NAA20: variants seen among roughly 807,000 people sequenced by gnomAD.
NAA20 encodes the protein N-alpha-acetyltransferase 20, NatB catalytic subunit, also known as N-alpha-acetyltransferase 20.
NAA20 carries 24 observed loss-of-function variants against 23.8 expected under a neutral mutation model. The observed-to-expected ratio is 1.01, with a 90% CI of 0.73 to 1.42. The LOEUF is 1.42. Ranked by LOEUF, NAA20 falls within the 40% of genes most tolerant of loss-of-function variation. NAA20 has a pLI of 0.00. For synonymous variants in NAA20, 83 were observed against 77.7 expected (o/e 1.07, Z -0.36); for missense variants, 166 against 223.1 (o/e 0.74, Z 1.63).
rs369734586 is a variant in NAA20, at chr20:20,026,819, G to T, written c.205G>T (p.Glu69Ter). The change falls in exon 4 of 6, where the codon GAA (glutamate) becomes TAA (stop). Residue 69 changes from glutamate to a stop codon, truncating the protein, a stop_gained. Transcript: ENST00000334982. LOFTEE classifies it high-confidence loss of function. ...AGCAGAAGGCTCAGTAGCTAGGGAA[G>T]AATGGCACGGGCACGTCACAGCTCT... The part of the protein sequence containing the change: ...GKAEGSVARE[E>*]WHGHVTALSV... 1 of 1,614,066 alleles carries T rather than the reference G, an allele frequency of 6.2e-7. No homozygotes were observed. Among genetic ancestry groups the T allele is most frequent in the Non-Finnish European group, 8.5e-7 (1 of 1,180,040 alleles).
chr20:20,029,178 TA>T (rs1265500611), intron 4 of NAA20, among the ~76,000 whole-genome samples: 2 of 152,210 alleles, frequency 1.3e-5, no homozygotes, highest in African/African-American at 4.8e-5. Context: ...ATATTTTTAA[TA>T]CAGAAAGATT....
intron 2 of NAA20, 103 bp from the exon 3 acceptor site, chr20:20,025,574 T>G (rs774090827): frequency 2.5e-6 from 2 of 788,580 alleles, no homozygotes; most frequent in Non-Finnish European, 4.4e-6. Context: ...GAGCTGGGGA[T>G]AAAGTAACAG....
intron 1 of NAA20, chr20:20,017,733 C>G (rs2043241209): frequency 2.1e-6 from 3 of 1,431,934 alleles, no homozygotes; most frequent in Non-Finnish European, 1.8e-6. Flanking sequence ...GCGCTCGGGC[C>G]TCCGCTCGTG....
Position 20,033,392 on chromosome 20 carries a change from A to C in NAA20, c.*205A>C. ...CTATTAAAGCTGTTCATTGTAACAA[A>C]ATTCAATCAAAAAGGCAGCTAGGTC... On this transcript the variant is annotated 3_prime_UTR_variant, in exon 6 of 6. Coordinates refer to ENST00000334982, the MANE Select transcript of NAA20 (RefSeq NM_016100.5). The C allele has an allele frequency of 4.3e-6, 2 of 468,860 alleles. No individual in the cohort carries two copies. The highest frequency in any genetic ancestry group is 3.8e-6 in the Non-Finnish European group (1 of 264,986). The allele number at this position is 468,860 out of a possible 1,614,324, so 29.0% of individuals were successfully genotyped here.
chr20:20,031,704 G>T (rs544855325), intron 4 of NAA20, among the ~76,000 whole-genome samples: 1 of 152,020 alleles, frequency 6.6e-6, no homozygotes, highest in African/African-American at 2.4e-5. Context: ...GAACTGTAGC[G>T]GGGGAAAAAT....
chr20:20,026,028 G>C (rs573090407), intron 3 of NAA20, among the ~76,000 whole-genome samples: 1 of 152,076 alleles, frequency 6.6e-6, no homozygotes, highest in Non-Finnish European at 1.5e-5. Context: ...TCTAAGGCCA[G>C]GTACAGTGGC....
intron 3 of NAA20, 40 bp from the exon 4 acceptor site, chr20:20,026,744 A>G (rs753398657): frequency 5.0e-6 from 8 of 1,608,080 alleles, no homozygotes; most frequent in East Asian, 4.5e-5. Context: ...GTGTAAATCA[A>G]TGTCTAGTTA....
chr20:20,031,961 G>C (rs972099434), intron 4 of NAA20, among the ~76,000 whole-genome samples: 1 of 152,212 alleles, frequency 6.6e-6, no homozygotes, highest in African/African-American at 2.4e-5. Context: ...ATTAACTAAT[G>C]AAGATGTGCC....
intron 1 of NAA20, chr20:20,017,677 C>T (rs2043240753): frequency 2.8e-6 from 4 of 1,410,258 alleles, no homozygotes; most frequent in Admixed American, 3.0e-5. Context: ...GGCCGAGGTG[C>T]TCAAACTTTG....
chr20:20,022,506 AGTTGAATGAAGATTTACTGAGAAT>A, intron 2 of NAA20, 26 bp downstream of exon 2: 1 of 1,505,564 alleles, frequency 6.6e-7, no homozygotes, highest in Non-Finnish European at 9.0e-7. Flanking sequence ...AAAAAAAAAA[AGTTGAATGAAGATTTACTGAGAAT>A]AAAGAAAACA....
chr20:20,026,745 TG>T, intron 3 of NAA20, 38 bp from the exon 4 acceptor site: 1 of 1,607,988 alleles, frequency 6.2e-7, no homozygotes, highest in Non-Finnish European at 8.5e-7. Flanking sequence ...TGTAAATCAA[TG>T]TCTAGTTACT....
At chr20:20,030,881 G>C (rs963624134) in intron 4 of NAA20, among the ~76,000 whole-genome samples, 1 of 151,908 alleles carries the variant, frequency 6.6e-6, no homozygotes. Flanking sequence ...GTAAAATTTA[G>C]AAAAAGATGC....
In NAA20 at chr20:20,017,396, G is replaced by A; in HGVS notation, c.-1G>A. ...CGGTCTTCGGAAGCGGCGGCGGCGC[G>A]ATGACCACGCTACGGGCCTTTACCT... On this transcript the variant is annotated 5_prime_UTR_variant, in exon 1 of 6. Transcript: ENST00000334982. 4 of 1,611,416 alleles carry A rather than the reference G, an allele frequency of 2.5e-6. No individual in the cohort carries two copies. The highest frequency in any genetic ancestry group is 3.4e-6 in the Non-Finnish European group (4 of 1,179,350).
intron 1 of NAA20, among the ~76,000 whole-genome samples, chr20:20,019,631 C>T (rs887178979): frequency 6.6e-6 from 1 of 152,334 alleles, no homozygotes; most frequent in East Asian, 1.9e-4. Context: ...GTTGCCCAGA[C>T]AGGAGTGCAG....
chr20:20,023,584 T>C (rs184569557), intron 2 of NAA20, among the ~76,000 whole-genome samples: 35 of 152,310 alleles, frequency 2.3e-4, no homozygotes, highest in Middle Eastern at 3.4e-3. Context: ...ACCCCACATC[T>C]CTAGTGGCTT....
intron 2 of NAA20, among the ~76,000 whole-genome samples, chr20:20,024,850 A>G (rs1601127158): frequency 6.6e-6 from 1 of 152,334 alleles, no homozygotes; most frequent in South Asian, 2.1e-4. Context: ...AGAATTTCGC[A>G]CGGAACAGGT....
Position 20,018,332 on chromosome 20 carries a change from T to A in NAA20, c.53+883T>A, listed in dbSNP as rs1326207398. 8.1e-6 allele frequency: 4 copies of A among 494,362 alleles called. No homozygotes were observed. In the East Asian group the frequency reaches 1.4e-4, roughly 17 times the overall value. 30.6% of individuals were successfully genotyped at this position (494,362 alleles called of 1,614,324 possible). On this transcript the variant is annotated intron_variant, in intron 1 of 5. Coordinates refer to ENST00000334982, the MANE Select transcript of NAA20 (RefSeq NM_016100.5). ...TTCTGCAGTTAACATTTTGCTACGC[T>A]GGTATCTCTCCTTCCTTCCCATCTA...
intron 1 of NAA20, chr20:20,018,038 C>T: frequency 6.2e-7 from 1 of 1,614,200 alleles, no homozygotes; most frequent in Non-Finnish European, 8.5e-7. Flanking sequence ...CTGTCTCAGT[C>T]ATGGTTAGTG....
chr20:20,028,297 A>G (rs1026952079), intron 4 of NAA20, among the ~76,000 whole-genome samples: 5 of 152,172 alleles, frequency 3.3e-5, no homozygotes, highest in Non-Finnish European at 4.4e-5. Context: ...ATGAGAACAC[A>G]TGGACACAGG....
Sources: allele counts gnomAD v4.1 joint callset (sites outside exome capture counted in the v4.1 genomes callset), GRCh38; gene constraint gnomAD v4.1.1; transcripts MANE v1.5; gene names NCBI Gene and HGNC (gene_info 2026-07-23, HGNC 2026-07-21).